The following WWOX variants were observed in gnomAD, a reference collection of about 807,000 sequenced individuals.
WWOX encodes WW domain-containing oxidoreductase.
In WWOX, 69 loss-of-function variants were observed where a neutral mutation model predicts 46.2. The ratio of observed to expected loss-of-function variants is 1.49; its 90% CI spans 1.23 to 1.82. The LOEUF is 1.82. Among genes scored for constraint, WWOX ranks in the 40% most tolerant of loss-of-function variants. The probability of loss-of-function intolerance (pLI) is 0.00; values close to 1 mark genes in which losing one functional copy is unlikely to be tolerated. For synonymous variants in WWOX, 359 were observed against 202.6 expected (o/e 1.77, Z -6.56); for missense variants, 919 against 542.6 (o/e 1.69, Z -6.89).
At chr16:78,923,169 C>G (rs563678223) in intron 8 of WWOX, among the ~76,000 whole-genome samples, 1 of 151,684 alleles carries the variant, frequency 6.6e-6, no homozygotes, top group Non-Finnish European at 1.5e-5. Flanking sequence ...TTAGTAGAGA[C>G]GGGGTTTCTC....
At chr16:78,476,401 A>C (rs950382781) in intron 8 of WWOX, among the ~76,000 whole-genome samples, 41 of 152,284 alleles carry the variant, frequency 2.7e-4, no homozygotes, top group African/African-American at 9.6e-4. Flanking sequence ...GTGGGAATTG[A>C]ACAATGAGAA....
At chr16:78,962,132 C>T (rs903236826) in intron 8 of WWOX, among the ~76,000 whole-genome samples, 1 of 151,924 alleles carries the variant, frequency 6.6e-6, no homozygotes, top group Non-Finnish European at 1.5e-5. Flanking sequence ...GGCTTGCCAT[C>T]TGAACAGGAA....
intron 6 of WWOX, among the ~76,000 whole-genome samples, chr16:78,406,206 G>C (rs989359362): frequency 5.4e-5 from 8 of 149,052 alleles, no homozygotes; most frequent in African/African-American, 2.0e-4. Context: ...AATGTTTATT[G>C]CTACCAATTT....
At chr16:78,364,319 T>C (rs1280244848) in intron 5 of WWOX, among the ~76,000 whole-genome samples, 1 of 152,220 alleles carries the variant, frequency 6.6e-6, no homozygotes, top group East Asian at 1.9e-4. Flanking sequence ...GTCTATCAAT[T>C]GGTTGGTCTC....
chr16:78,437,734 C>A (rs1222425957), intron 8 of WWOX, among the ~76,000 whole-genome samples: 1 of 152,194 alleles, frequency 6.6e-6, no homozygotes, highest in East Asian at 1.9e-4. Context: ...ATGCAATATA[C>A]TTCAAATAGC....
chr16:79,108,563 G>C (rs2049354513), intron 8 of WWOX, among the ~76,000 whole-genome samples: 1 of 152,198 alleles, frequency 6.6e-6, no homozygotes, highest in Non-Finnish European at 1.5e-5. Flanking sequence ...TCATACTTAA[G>C]GGTGATTGGC....
intron 8 of WWOX, among the ~76,000 whole-genome samples, chr16:78,570,285 A>G (rs1449578046): frequency 6.6e-6 from 1 of 152,150 alleles, no homozygotes; most frequent in East Asian, 1.9e-4. Flanking sequence ...CAGTTTCACC[A>G]CCAAATCCTT....
intron 6 of WWOX, among the ~76,000 whole-genome samples, chr16:78,422,663 G>GTGTATATATATATATATATATATA (rs1438850450): frequency 0.011 from 276 of 24,408 alleles, 18 homozygotes; most frequent in Non-Finnish European, 0.021. Context: ...TTTTTTACAT[G>GTGTATATATATATATATATATATA]TATATATATA....
At chr16:78,406,388 C>G (rs1248266508) in intron 6 of WWOX, among the ~76,000 whole-genome samples, 2 of 138,354 alleles carry the variant, frequency 1.4e-5, no homozygotes, top group Admixed American at 8.0e-5. Context: ...GAGTCTTGCT[C>G]TGTCACCAGG....
At chr16:78,763,289 T>G (rs956128101) in intron 8 of WWOX, among the ~76,000 whole-genome samples, 1 of 152,258 alleles carries the variant, frequency 6.6e-6, no homozygotes, top group Non-Finnish European at 1.5e-5. Flanking sequence ...ATTTTCATTC[T>G]CATTAATTCA....
At chr16:78,617,192 A>G (rs1343656783) in intron 8 of WWOX, among the ~76,000 whole-genome samples, 1 of 152,162 alleles carries the variant, frequency 6.6e-6, no homozygotes, top group South Asian at 2.1e-4. Flanking sequence ...CAGGTGGATC[A>G]CTTGAGCCCC....
intron 8 of WWOX, among the ~76,000 whole-genome samples, chr16:78,443,177 T>C (rs1377792024): frequency 6.9e-6 from 1 of 144,704 alleles, no homozygotes; most frequent in Non-Finnish European, 1.5e-5. Flanking sequence ...TGGTGACTCG[T>C]GTCTATTGTC....
rs570172618 is a variant in WWOX at position 78,755,036 on chromosome 16, C to A, written c.1056+322284C>A. ...AACGGGAGGGGGGAACATCACACAC[C>A]GGGGCCTGTCTGGGGGTAGGGGGAA... is the stretch of plus-strand genomic sequence containing the variant. On this transcript the variant is annotated intron_variant, in intron 8 of 8. Transcript: ENST00000566780. 2.9e-4 allele frequency among the ~76,000 whole-genome samples: 26 copies of A among 89,510 alleles called. No individual in the cohort carries two copies. In the South Asian group the frequency reaches 0.011, roughly 37 times the overall value. 58.7% of individuals were successfully genotyped at this position (89,510 alleles called of 152,430 possible).
intron 1 of WWOX, among the ~76,000 whole-genome samples, chr16:78,106,053 C>T (rs909014338): frequency 3.5e-4 from 53 of 152,314 alleles, no homozygotes; most frequent in Admixed American, 1.1e-3. Context: ...CCTCCCGCCT[C>T]GGCCTCCCAA....
chr16:78,112,912 C>T (rs1039823668), intron 3 of WWOX, among the ~76,000 whole-genome samples: 1 of 151,942 alleles, frequency 6.6e-6, no homozygotes, highest in Non-Finnish European at 1.5e-5. Flanking sequence ...CAGTATGTTG[C>T]CCAGGCTGGT....
At chr16:78,744,131 A>G (rs1287139467) in intron 8 of WWOX, among the ~76,000 whole-genome samples, 1 of 152,178 alleles carries the variant, frequency 6.6e-6, no homozygotes, top group African/African-American at 2.4e-5. Flanking sequence ...GTGCTCTGAG[A>G]ACACAGTAAA....
At chr16:79,185,802 G>T (rs16949820) in intron 8 of WWOX, among the ~76,000 whole-genome samples, 1 of 152,144 alleles carries the variant, frequency 6.6e-6, no homozygotes, top group African/African-American at 2.4e-5. Context: ...AGGGTAGAAT[G>T]CATCGGACAC....
intron 8 of WWOX, among the ~76,000 whole-genome samples, chr16:78,454,572 C>G (rs1052589760): frequency 1.3e-5 from 2 of 152,188 alleles, no homozygotes; most frequent in Non-Finnish European, 2.9e-5. Context: ...ATGGCACGAT[C>G]TCTGCTGACC....
rs1480874979 is a variant in WWOX at position 78,782,766 on chromosome 16, A to G, written c.1056+350014A>G. 4.6e-5 allele frequency among the ~76,000 whole-genome samples: 7 copies of G among 150,624 alleles called. No individual in the cohort carries two copies. In the East Asian group the frequency reaches 9.9e-4, roughly 21 times the overall value. On this transcript the variant is annotated intron_variant, in intron 8 of 8. Transcript: ENST00000566780. ...TATTACATCATTACAGAAGTCTCAT[A>G]TGCTGTATTTTATAAATATGTGATG...
Sources: gnomAD v4.1 joint callset for allele counts (sites outside exome capture counted in the v4.1 genomes callset) on GRCh38, gnomAD v4.1.1 for gene constraint, MANE v1.5 for transcripts, NCBI Gene and HGNC (gene_info 2026-07-23, HGNC 2026-07-21) for gene names.